The following PDLIM5 variants were observed in gnomAD, a reference collection of about 807,000 sequenced individuals.
PDLIM5 encodes PDZ and LIM domain 5, also known as PDZ and LIM domain protein 5.
In PDLIM5, 34 loss-of-function variants were observed where a neutral mutation model predicts 64.2. That is an observed-to-expected ratio of 0.53 (90% CI 0.40 to 0.71). PDLIM5 has a LOEUF of 0.71. PDLIM5 is among the 30% of genes least tolerant of loss of function. The pLI is 0.00. For synonymous variants in PDLIM5, 253 were observed against 269.1 expected (o/e 0.94, Z 0.59); for missense variants, 683 against 733.6 (o/e 0.93, Z 0.80).
At chr4:94,488,978 A>G (rs1171971388) in intron 2 of PDLIM5, 2 of 152,248 alleles carry the variant, frequency 1.3e-5, no homozygotes, top group African/African-American at 2.4e-5. Flanking sequence ...ATCTCCTTGT[A>G]TGGAAAGTAA....
rs2510804 is a variant in PDLIM5 at position 94,484,213 on chromosome 4, C to T, written c.96+28829C>T. ...TACAGGGGAACAAATAAAAACAGGA[C>T]CCGGCTTCTGGATTCCCATTGAAAT... is the stretch of plus-strand genomic sequence containing the variant. On this transcript the variant is annotated intron_variant, in intron 2 of 12. Coordinates refer to ENST00000317968, the MANE Select transcript of PDLIM5 (RefSeq NM_006457.5). Among the ~76,000 whole-genome samples, 1,542 of 152,244 alleles carry T rather than the reference C, an allele frequency of 0.01. 159 individuals carry two copies. The East Asian group carries it at 0.23, about 22-fold the overall frequency.
intron 2 of PDLIM5, among the ~76,000 whole-genome samples, chr4:94,479,194 C>G (rs1417549436): frequency 6.6e-6 from 1 of 151,690 alleles, no homozygotes; most frequent in African/African-American, 2.4e-5. Context: ...GCCACTGTGC[C>G]CAGCCTGTTT....
At chr4:94,515,232 GAAA>G (rs760950752) in intron 2 of PDLIM5, among the ~76,000 whole-genome samples, 4 of 152,148 alleles carry the variant, frequency 2.6e-5, no homozygotes, top group Non-Finnish European at 5.9e-5. Flanking sequence ...GTAGATGAGA[GAAA>G]GAGCCTTGCC....
At chr4:94,529,997 A>G (rs1025083190) in intron 3 of PDLIM5, among the ~76,000 whole-genome samples, 2 of 152,304 alleles carry the variant, frequency 1.3e-5, no homozygotes, top group Admixed American at 6.5e-5. Flanking sequence ...TTCGATGTCT[A>G]ATTAAACTAT....
At chr4:94,662,560 A>AT (rs1242725914) in intron 12 of PDLIM5, 23 bp downstream of exon 12, 6 of 1,152,670 alleles carry the variant, frequency 5.2e-6, no homozygotes, top group Non-Finnish European at 7.9e-6. Context: ...TTATTTCCTA[A>AT]TTAAAGGGGT....
At chr4:94,538,857 T>C (rs1403592390) in intron 3 of PDLIM5, among the ~76,000 whole-genome samples, 1 of 152,172 alleles carries the variant, frequency 6.6e-6, no homozygotes, top group African/African-American at 2.4e-5. Flanking sequence ...ATAAACCTTA[T>C]GTAACTGAAT....
At chr4:94,543,358 G>T (rs1731997459) in intron 3 of PDLIM5, among the ~76,000 whole-genome samples, 1 of 151,866 alleles carries the variant, frequency 6.6e-6, no homozygotes, top group Admixed American at 6.6e-5. Flanking sequence ...ACAACATAAT[G>T]TTTTGAAATA....
chr4:94,625,083 G>A (rs1238193939), intron 8 of PDLIM5, among the ~76,000 whole-genome samples: 1 of 152,176 alleles, frequency 6.6e-6, no homozygotes, highest in African/African-American at 2.4e-5. Flanking sequence ...TCCCTGGGCA[G>A]GGTGACTGCA....
chr4:94,487,977 C>T (rs1726506350), intron 2 of PDLIM5, among the ~76,000 whole-genome samples: 1 of 152,164 alleles, frequency 6.6e-6, no homozygotes, highest in Non-Finnish European at 1.5e-5. Context: ...GATTTAAGGA[C>T]ACAAATGTTT....
chr4:94,574,907 C>G (rs1735121665), intron 4 of PDLIM5, among the ~76,000 whole-genome samples: 1 of 150,876 alleles, frequency 6.6e-6, no homozygotes. Context: ...TTTATTCTAT[C>G]TCTGAATCAT....
At chr4:94,503,266 A>G (rs377633464) in intron 2 of PDLIM5, among the ~76,000 whole-genome samples, 1 of 152,180 alleles carries the variant, frequency 6.6e-6, no homozygotes. Context: ...AAACTGCTTA[A>G]ACTGCTGAGC....
intron 5 of PDLIM5, among the ~76,000 whole-genome samples, chr4:94,581,905 T>A (rs1560718627): frequency 6.6e-6 from 1 of 152,212 alleles, no homozygotes; most frequent in East Asian, 1.9e-4. Flanking sequence ...CCATGTCTTA[T>A]CAGACACGCC....
chr4:94,600,637 A>C (rs1737420292), intron 7 of PDLIM5, among the ~76,000 whole-genome samples: 1 of 152,180 alleles, frequency 6.6e-6, no homozygotes, highest in African/African-American at 2.4e-5. Context: ...ATAAGAAGCT[A>C]TTTCTAACTA....
chr4:94,475,513 G>T (rs113423189), intron 2 of PDLIM5, among the ~76,000 whole-genome samples: 1,794 of 152,096 alleles, frequency 0.012, 41 homozygotes, highest in African/African-American at 0.041. Context: ...TTTGCATTAG[G>T]GTTAATTCTT....
intron 3 of PDLIM5, among the ~76,000 whole-genome samples, chr4:94,566,848 C>A (rs1734365227): frequency 6.6e-6 from 1 of 152,208 alleles, no homozygotes; most frequent in African/African-American, 2.4e-5. Context: ...CCTCATTCAG[C>A]ATCTGACCTT....
intron 11 of PDLIM5, among the ~76,000 whole-genome samples, chr4:94,659,872 T>C (rs1399203786): frequency 2.0e-5 from 3 of 149,068 alleles, no homozygotes; most frequent in Admixed American, 6.8e-5. Flanking sequence ...TTAAACCCTT[T>C]AGTGGGTTCC....
At chr4:94,571,221 C>T (rs557303222) in intron 3 of PDLIM5, among the ~76,000 whole-genome samples, 1 of 152,258 alleles carries the variant, frequency 6.6e-6, no homozygotes, top group African/African-American at 2.4e-5. Flanking sequence ...TAGTTTTTAA[C>T]ATAGTCAGTT....
intron 7 of PDLIM5, among the ~76,000 whole-genome samples, chr4:94,595,163 A>G (rs1291492685): frequency 6.6e-6 from 1 of 152,188 alleles, no homozygotes; most frequent in Non-Finnish European, 1.5e-5. Flanking sequence ...AACCACCCCA[A>G]TGATCCAGGT....
In PDLIM5 at chr4:94,627,231, C is replaced by A. The variant is rs192766409; in HGVS notation, c.1108+9040C>A. On this transcript the variant is annotated intron_variant, in intron 8 of 12. Transcript: ENST00000317968. ...TGGGGTGTGAAACATGTAAATATGCCCATCTCCTTACATAACAAGTAGATT... is the reference window on the plus strand; with the variant it reads ...TGGGGTGTGAAACATGTAAATATGCACATCTCCTTACATAACAAGTAGATT... 1.6e-4 allele frequency among the ~76,000 whole-genome samples: 24 copies of A among 152,234 alleles called. No homozygotes were observed. The East Asian group carries it at 4.2e-3, about 27-fold the overall frequency.
Sources: gnomAD v4.1 joint callset for allele counts (sites outside exome capture counted in the v4.1 genomes callset) on GRCh38, gnomAD v4.1.1 for gene constraint, MANE v1.5 for transcripts, NCBI Gene and HGNC (gene_info 2026-07-23, HGNC 2026-07-21) for gene names.